DUSP6: variants seen among roughly 807,000 people sequenced by gnomAD.
DUSP6 encodes the protein dual specificity protein phosphatase 6.
Under a neutral mutation model 28.0 loss-of-function variants are expected in DUSP6, and 6 were observed. That is an observed-to-expected ratio of 0.21 (90% CI 0.12 to 0.42). The LOEUF (loss-of-function observed/expected upper bound fraction) is 0.42. DUSP6 is among the 10% of genes least tolerant of loss of function. DUSP6 has a pLI of 1.00. For synonymous variants in DUSP6, 252 were observed against 217.5 expected, an observed-to-expected ratio of 1.16 and a Z score of -1.40; for missense variants, 451 against 498.1, an observed-to-expected ratio of 0.91 and a Z score of 0.90.
Position 89,348,679 on chromosome 12 carries a change from ATTTCT to A in DUSP6, c.*570_*574del, listed in dbSNP as rs1342379232. 1 of 152,658 alleles carries A rather than the reference ATTTCT, an allele frequency of 6.6e-6. No individual in the cohort carries two copies. The highest frequency in any genetic ancestry group is 2.4e-5 in the African/African-American group (1 of 41,436). The allele number at this position is 152,658 out of a possible 1,614,324, so 9.5% of individuals were successfully genotyped here. ...ATACTGCTCTTTCTCCCTTTGGATA[ATTTCT>A]TTTAAGCCCATCAAAGGAAAAAACA... On this transcript the variant is annotated 3_prime_UTR_variant, in exon 3 of 3. Transcript: ENST00000279488.
In DUSP6 at chr12:89,347,451, T is replaced by C. The variant is rs1879018132; in HGVS notation, c.*1803A>G. 6.6e-6 allele frequency: 1 copy of C among 152,174 alleles called. No individual in the cohort carries two copies. Among genetic ancestry groups the C allele is most frequent in the Admixed American group, 6.5e-5 (1 of 15,278 alleles). The allele number at this position is 152,174 out of a possible 1,614,324, so 9.4% of individuals were successfully genotyped here. On this transcript the variant is annotated 3_prime_UTR_variant, in exon 3 of 3. Transcript: ENST00000279488. ...CAACAGGGATGACAAAGTTGCCTCC[T>C]AAGTGCCAATGTAAAATTCTAAAGC...
At position 89,351,831 on chromosome 12, in the gene DUSP6, T is replaced by G. The variant is rs1237684267; in HGVS notation, c.209A>C (p.Asn70Thr). The change falls in exon 1 of 3, where the codon AAC becomes ACC. Residue 70 changes from asparagine (N) to threonine (T), a missense_variant. By Grantham distance (65) the Asn-to-Thr change is moderately conservative. Coordinates refer to ENST00000279488, the MANE Select transcript of DUSP6 (RefSeq NM_001946.4). ...GIMLRRLQKG[N>T]LPVRALFTRG... ...CGTGAAGAGCGCGCGCACCGGCAGGTTACCCTTCTGCAGGCGCCGCAGCAT... is the reference window on the plus strand; with the variant it reads ...CGTGAAGAGCGCGCGCACCGGCAGGGTACCCTTCTGCAGGCGCCGCAGCAT... The G allele has an allele frequency of 2.5e-6, 4 of 1,611,316 alleles. No individual in the cohort carries two copies. The highest frequency in any genetic ancestry group is 2.7e-5 in the African/African-American group (2 of 75,036).
chr12:89,348,737 T>C lies in DUSP6; in HGVS notation c.*517A>G, dbSNP rs1879071646. 6.5e-6 allele frequency: 1 copy of C among 152,936 alleles called. No individual in the cohort carries two copies. Among genetic ancestry groups the C allele is most frequent in the Non-Finnish European group, 1.5e-5 (1 of 68,212 alleles). The allele number at this position is 152,936 out of a possible 1,614,324, so 9.5% of individuals were successfully genotyped here. ...CACAATTCAAACAAACACTGTCAAGTGATTCAAGATCAAATATTTACAATA... is the reference window on the plus strand; with the variant it reads ...CACAATTCAAACAAACACTGTCAAGCGATTCAAGATCAAATATTTACAATA... On this transcript the variant is annotated 3_prime_UTR_variant, in exon 3 of 3. Coordinates refer to ENST00000279488, the MANE Select transcript of DUSP6 (RefSeq NM_001946.4).
intron 1 of DUSP6, chr12:89,351,383 C>T (rs1879181719): frequency 1.6e-6 from 1 of 610,926 alleles, no homozygotes. Context: ...GATGTTCTGG[C>T]TAAGAAGGCG....
chr12:89,351,069 G>T (rs1239981625), intron 1 of DUSP6, 44 bp from the exon 2 acceptor site: 2 of 1,529,624 alleles, frequency 1.3e-6, no homozygotes, highest in Admixed American at 2.0e-5. Context: ...AGAAGCCGTA[G>T]TAGTTTTCAC....
At chr12:89,351,358 A>C (rs1879180691) in intron 1 of DUSP6, 2 of 585,528 alleles carry the variant, frequency 3.4e-6, no homozygotes, top group Admixed American at 3.3e-5. Flanking sequence ...GATAGAAAAC[A>C]GGGTGATGGT....
Position 89,352,221 on chromosome 12 carries a change from T to C in DUSP6, c.-182A>G. On this transcript the variant is annotated 5_prime_UTR_variant, in exon 1 of 3. Transcript: ENST00000279488. The stretch of plus-strand genomic sequence containing the variant: ...CAGAAGTAAAGCCGGAGGTTCTCTC[T>C]GCACCCAGCTGCAGCCGCTGGCTCT... The C allele has an allele frequency of 1.2e-6, 1 of 812,252 alleles. No homozygotes were observed. The highest frequency in any genetic ancestry group is 1.9e-6 in the Non-Finnish European group (1 of 529,398). 50.3% of individuals were successfully genotyped at this position (812,252 alleles called of 1,614,324 possible). A position where few individuals can be genotyped will look rare whatever the true frequency, so the allele number is the denominator to read the frequency against.
At position 89,347,641 on chromosome 12, in the gene DUSP6, G is replaced by A. The variant is rs1465305355; in HGVS notation, c.*1613C>T. On this transcript the variant is annotated 3_prime_UTR_variant, in exon 3 of 3. Coordinates refer to ENST00000279488, the MANE Select transcript of DUSP6 (RefSeq NM_001946.4). ...AAAGAATTATCCCTACTTCCTCTTT[G>A]GCATTATCTCAGCATTATAAAGCAG... The A allele has an allele frequency of 2.0e-5, 3 of 152,134 alleles. No individual in the cohort carries two copies. Among genetic ancestry groups the A allele is most frequent in the African/African-American group, 7.2e-5 (3 of 41,410 alleles). 9.4% of individuals were successfully genotyped at this position (152,134 alleles called of 1,614,324 possible).
At position 89,349,076 on chromosome 12, in the gene DUSP6, G is replaced by C. The variant is rs968262498; in HGVS notation, c.*178C>G. On this transcript the variant is annotated 3_prime_UTR_variant, in exon 3 of 3. Coordinates refer to ENST00000279488, the MANE Select transcript of DUSP6 (RefSeq NM_001946.4). ...CATGTCCTGTTATTCCAAAGAGAAT[G>C]GAGCAAATCTCTCTGTTAGTATTAA... 2 of 647,718 alleles carry C rather than the reference G, an allele frequency of 3.1e-6. No homozygotes were observed. Among genetic ancestry groups the C allele is most frequent in the African/African-American group, 3.6e-5 (2 of 54,814 alleles). 40.1% of individuals were successfully genotyped at this position (647,718 alleles called of 1,614,324 possible).
At position 89,348,507 on chromosome 12, in the gene DUSP6, G is replaced by C. The variant is rs1879059366; in HGVS notation, c.*747C>G. On this transcript the variant is annotated 3_prime_UTR_variant, in exon 3 of 3. Coordinates refer to ENST00000279488, the MANE Select transcript of DUSP6 (RefSeq NM_001946.4). ...AGGAAAATACATGAAAAAGACTAAA[G>C]ACTTCGCCATAACAAGGTCTTAGTG... 2.0e-5 allele frequency: 3 copies of C among 152,366 alleles called. No homozygotes were observed. Among genetic ancestry groups the C allele is most frequent in the Non-Finnish European group, 4.4e-5 (3 of 68,018 alleles). The allele number at this position is 152,366 out of a possible 1,614,324, so 9.4% of individuals were successfully genotyped here.
At chr12:89,350,345 T>C (rs1221572194) in intron 2 of DUSP6, among the ~76,000 whole-genome samples, 1 of 152,218 alleles carries the variant, frequency 6.6e-6, no homozygotes, top group African/African-American at 2.4e-5. Flanking sequence ...CGACTGTCAA[T>C]GACTGAATTC....
rs1280877135 is a variant in DUSP6 at position 89,349,270 on chromosome 12, G to C, written c.1130C>G (p.Ser377Cys). 1 of 1,611,132 alleles carries C rather than the reference G, an allele frequency of 6.2e-7. No homozygotes were observed. Among genetic ancestry groups the C allele is most frequent in the East Asian group, 2.2e-5 (1 of 44,782 alleles). The change falls in exon 3 of 3, where the codon TCT becomes TGT. Residue 377 changes from serine to cysteine, a missense_variant. Ser to Cys is a moderately radical substitution (Grantham distance 112). Around this residue, in one of 2 missense-constraint regions of DUSP6, gnomAD observed 104 missense variants for 151.4 expected, o/e 0.69. Transcript: ENST00000279488. ...TGGGGTCTTTCACGTAGATTGCAGAGAGTCCACCTGGTATACATTCTGGTT... is the reference window on the plus strand; with the variant it reads ...TGGGGTCTTTCACGTAGATTGCAGACAGTCCACCTGGTATACATTCTGGTT... Reference protein sequence around the residue: ...PSNQNVYQVDSLQST With the variant: ...PSNQNVYQVDCLQST
chr12:89,349,069 A>G lies in DUSP6; in HGVS notation c.*185T>C. ...TATACAGCATGTCCTGTTATTCCAA[A>G]GAGAATGGAGCAAATCTCTCTGTTA... On this transcript the variant is annotated 3_prime_UTR_variant, in exon 3 of 3. Transcript: ENST00000279488. The G allele has an allele frequency of 4.7e-6, 3 of 636,798 alleles. No individual in the cohort carries two copies. The highest frequency in any genetic ancestry group is 8.0e-6 in the Non-Finnish European group (3 of 373,612). 39.4% of individuals were successfully genotyped at this position (636,798 alleles called of 1,614,324 possible). A position where few individuals can be genotyped will look rare whatever the true frequency, so the allele number is the denominator to read the frequency against.
At position 89,350,985 on chromosome 12, in the gene DUSP6, G is replaced by C; in HGVS notation, c.441C>G (p.Cys147Trp). ...SKFQAEFSLH[C>W]ETNLDGSCSS... ...TACACGAGCCGTCTAGATTGGTCTC[G>C]CAATGCAGGGAGAACTCGGCTTGGA... The change falls in exon 2 of 3, where the codon TGC (cysteine) becomes TGG (tryptophan). Residue 147 changes from cysteine to tryptophan, a missense_variant. Transcript: ENST00000279488. 1 of 1,609,908 alleles carries C rather than the reference G, an allele frequency of 6.2e-7. No individual in the cohort carries two copies. Among genetic ancestry groups the C allele is most frequent in the Non-Finnish European group, 8.5e-7 (1 of 1,178,740 alleles).
intron 2 of DUSP6, among the ~76,000 whole-genome samples, chr12:89,350,164 C>T (rs1879132142): frequency 6.6e-6 from 1 of 152,246 alleles, no homozygotes; most frequent in Non-Finnish European, 1.5e-5. Flanking sequence ...AACTGGATAA[C>T]ATTCAGCATT....
chr12:89,351,991 T>G lies in DUSP6; in HGVS notation c.49A>C (p.Ser17Arg), dbSNP rs1188171225. 1 of 1,613,092 alleles carries G rather than the reference T, an allele frequency of 6.2e-7. No individual in the cohort carries two copies. The highest frequency in any genetic ancestry group is 1.1e-5 in the South Asian group (1 of 91,086). The change falls in exon 1 of 3, where the codon AGC (serine) becomes CGC (arginine). Residue 17 changes from serine (S) to arginine (R), a missense_variant. Around this residue, in one of 2 missense-constraint regions of DUSP6, gnomAD observed 347 missense variants for 346.6 expected, o/e 1.00. Transcript: ENST00000279488. ...TCGTTGAGCCACGCCACCGTCTTGCTGATCGCCATTTCCGACGCGAAGGGC... is the reference window on the plus strand; with the variant it reads ...TCGTTGAGCCACGCCACCGTCTTGCGGATCGCCATTTCCGACGCGAAGGGC... ...PVPFASEMAI[S>R]KTVAWLNEQL...
intron 1 of DUSP6, chr12:89,351,245 T>C (rs1238255889): frequency 1.5e-6 from 1 of 645,542 alleles, no homozygotes. Flanking sequence ...AATCCGGAAA[T>C]AGACAAAATG....
At position 89,349,099 on chromosome 12, in the gene DUSP6, T is replaced by A; in HGVS notation, c.*155A>T. On this transcript the variant is annotated 3_prime_UTR_variant, in exon 3 of 3. Transcript: ENST00000279488. ...ATGGAGCAAATCTCTCTGTTAGTAT[T>A]AACCAATTCCGCACTTGGTAACCTT... 1 of 743,912 alleles carries A rather than the reference T, an allele frequency of 1.3e-6. No individual in the cohort carries two copies. The highest frequency in any genetic ancestry group is 2.2e-6 in the Non-Finnish European group (1 of 461,792). The allele number at this position is 743,912 out of a possible 1,614,324, so 46.1% of individuals were successfully genotyped here.
rs1011044935 is a variant in DUSP6 at position 89,348,564 on chromosome 12, T to C, written c.*690A>G. ...GTGTCCGTAAAGATGTCATCAGAAT[T>C]GGTAAAGTCAAGCATGCTGCAAATA... On this transcript the variant is annotated 3_prime_UTR_variant, in exon 3 of 3. Coordinates refer to ENST00000279488, the MANE Select transcript of DUSP6 (RefSeq NM_001946.4). 6.6e-6 allele frequency: 1 copy of C among 152,394 alleles called. No individual in the cohort carries two copies. The highest frequency in any genetic ancestry group is 6.5e-5 in the Admixed American group (1 of 15,284). 9.4% of individuals were successfully genotyped at this position (152,394 alleles called of 1,614,324 possible). A position where few individuals can be genotyped will look rare whatever the true frequency, so the allele number is the denominator to read the frequency against.
Sources: gnomAD v4.1 joint callset for allele counts (sites outside exome capture counted in the v4.1 genomes callset) on GRCh38, gnomAD v4.1.1 for gene constraint, gnomAD v4.1.1 regional missense constraint, MANE v1.5 for transcripts, NCBI Gene and HGNC (gene_info 2026-07-23, HGNC 2026-07-21) for gene names.